The following PCDHGA11 variants were observed in gnomAD, a reference collection of about 807,000 sequenced individuals.
The protein encoded by PCDHGA11 is protocadherin gamma-A11.
A neutral mutation model predicts 60.4 loss-of-function variants in PCDHGA11; 39 were observed. The observed-to-expected ratio is 0.65, with a 90% CI of 0.50 to 0.84. The LOEUF is 0.84. Among genes scored for constraint, PCDHGA11 ranks in the 40% least tolerant of loss-of-function variants. The pLI is 0.00. For missense variants in PCDHGA11, 1,165 were observed against 1,197.7 expected, an observed-to-expected ratio of 0.97 and a Z score of 0.40; for synonymous variants, 533 against 510.3, an observed-to-expected ratio of 1.04 and a Z score of -0.60.
rs143737031 is a variant in PCDHGA11 at position 141,454,359 on chromosome 5, G to C, written c.2433+30699G>C. Among the ~76,000 whole-genome samples, 105 of 152,200 alleles carry C rather than the reference G, an allele frequency of 6.9e-4. No individual in the cohort carries two copies. In the East Asian group the frequency reaches 0.014, roughly 20 times the overall value. ...AATGTTGGAAGTTGATCCAAACTTA[G>C]AAAGGAGTATGGCAACTTGTCAAGA... On this transcript the variant is annotated intron_variant, in intron 1 of 3. Coordinates refer to ENST00000398587, the MANE Select transcript of PCDHGA11 (RefSeq NM_018914.3).
chr5:141,438,807 G>A (rs956766683), intron 1 of PCDHGA11, among the ~76,000 whole-genome samples: 13 of 149,270 alleles, frequency 8.7e-5, no homozygotes, highest in African/African-American at 1.7e-4. Context: ...GATTACAGGC[G>A]CCTGTCACCA....
intron 1 of PCDHGA11, among the ~76,000 whole-genome samples, chr5:141,488,261 G>T (rs993627373): frequency 6.6e-6 from 1 of 152,148 alleles, no homozygotes; most frequent in Non-Finnish European, 1.5e-5. Flanking sequence ...GGTTGGGGCG[G>T]GTTGGTCATC....
intron 1 of PCDHGA11, among the ~76,000 whole-genome samples, chr5:141,482,760 C>CAGCTGTG (rs1363796107): frequency 2.1e-5 from 3 of 141,084 alleles, no homozygotes; most frequent in African/African-American, 5.7e-5. Flanking sequence ...TATGGTATTT[C>CAGCTGTG]ATTATCACTG....
At chr5:141,484,707 G>C (rs1288663675) in intron 1 of PCDHGA11, among the ~76,000 whole-genome samples, 1 of 151,802 alleles carries the variant, frequency 6.6e-6, no homozygotes. Flanking sequence ...TGTTTTCCCC[G>C]CCGAAAAGGG....
chr5:141,442,596 T>C (rs2154559877), intron 1 of PCDHGA11: 1 of 152,310 alleles, frequency 6.6e-6, no homozygotes, highest in South Asian at 2.1e-4. Flanking sequence ...TTAAATATTT[T>C]CAGAGATCTC....
Position 141,423,234 on chromosome 5 carries a change from C to T in PCDHGA11, c.2007C>T (p.Ile669=). 6.2e-7 allele frequency: 1 copy of T among 1,613,918 alleles called. No individual in the cohort carries two copies. Among genetic ancestry groups the T allele is most frequent in the South Asian group, 1.1e-5 (1 of 91,076 alleles). Residue 669 remains isoleucine (I), a synonymous_variant, in exon 1 of 4, where the codon ATC becomes ATT. Transcript: ENST00000398587. ...VTLTVAVADS[I]PEVLADLGSL... Reference sequence around the variant, plus strand: ...TCACCGTGGCTGTGGCCGACAGCATCCCCGAAGTCCTGGCGGACCTCGGCA... The same window carrying T: ...TCACCGTGGCTGTGGCCGACAGCATTCCCGAAGTCCTGGCGGACCTCGGCA...
chr5:141,428,029 C>G, intron 1 of PCDHGA11: 2 of 1,607,160 alleles, frequency 1.2e-6, no homozygotes, highest in Non-Finnish European at 1.7e-6. Flanking sequence ...GCCGCAGAGT[C>G]CGGCTACCTG....
At chr5:141,461,190 T>C (rs2099010725) in intron 1 of PCDHGA11, among the ~76,000 whole-genome samples, 1 of 152,142 alleles carries the variant, frequency 6.6e-6, no homozygotes, top group Non-Finnish European at 1.5e-5. Context: ...TAGATCTGTT[T>C]TTTGCTCTTT....
intron 1 of PCDHGA11, chr5:141,433,086 C>A (rs747501244): frequency 1.9e-6 from 3 of 1,614,208 alleles, no homozygotes; most frequent in African/African-American, 2.7e-5. Context: ...CCCAACTATG[C>A]AGACATGCTC....
Position 141,421,185 on chromosome 5 carries a change from C to T in PCDHGA11, c.-43C>T. Reference sequence around the variant, plus strand: ...ATAGATACATAAGCCGATTCACAACCAACCAGCTCGAGAAACCGCGGAATA... The same window carrying T: ...ATAGATACATAAGCCGATTCACAACTAACCAGCTCGAGAAACCGCGGAATA... On this transcript the variant is annotated 5_prime_UTR_variant, in exon 1 of 4. Transcript: ENST00000398587. The T allele has an allele frequency of 6.8e-7, 1 of 1,463,494 alleles. No individual in the cohort carries two copies. The highest frequency in any genetic ancestry group is 9.1e-7 in the Non-Finnish European group (1 of 1,097,480). 90.7% of individuals were successfully genotyped at this position (1,463,494 alleles called of 1,614,324 possible).
chr5:141,494,740 T>C, intron 1 of PCDHGA11, 67 bp from the exon 2 acceptor site: 1 of 1,612,194 alleles, frequency 6.2e-7, no homozygotes, highest in Non-Finnish European at 8.5e-7. Context: ...GGCCCATCCC[T>C]AGGGGCTCGG....
At chr5:141,461,602 A>G (rs971808608) in intron 1 of PCDHGA11, among the ~76,000 whole-genome samples, 2 of 152,172 alleles carry the variant, frequency 1.3e-5, no homozygotes, top group African/African-American at 4.8e-5. Flanking sequence ...ATTATAATTT[A>G]GTTCAAAGTA....
In PCDHGA11 at chr5:141,490,378, G is replaced by A; in HGVS notation, c.2434-4429G>A. On this transcript the variant is annotated intron_variant, in intron 1 of 3. Transcript: ENST00000398587. The surrounding 1 kb of genome is among the most constrained non-coding windows in gnomAD (Gnocchi z 5.4). The stretch of plus-strand genomic sequence containing the variant: ...GTTTAATGTGCGAGACCGGGACTCA[G>A]GTAGAAATGGTGAAGTGAGCCTTGA... 1 of 1,614,214 alleles carries A rather than the reference G, an allele frequency of 6.2e-7. No homozygotes were observed. The highest frequency in any genetic ancestry group is 1.1e-5 in the South Asian group (1 of 91,086).
Position 141,489,352 on chromosome 5 carries a change from G to A in PCDHGA11, c.2434-5455G>A, listed in dbSNP as rs1336068787. 1.9e-6 allele frequency: 3 copies of A among 1,612,152 alleles called. No homozygotes were observed. In the Admixed American group the frequency reaches 5.0e-5, roughly 27 times the overall value. On this transcript the variant is annotated intron_variant, in intron 1 of 3. Transcript: ENST00000398587. The surrounding 1 kb of genome is among the most constrained non-coding windows in gnomAD (Gnocchi z 4.5). ...GCAGCTTCGTTACTCAGTGGTGGAG[G>A]AGTCTGAGCCGGGGACGCTGGTGGG...
rs142590218 is a variant in PCDHGA11, at chr5:141,489,982, C to T, written c.2434-4825C>T. On this transcript the variant is annotated intron_variant, in intron 1 of 3. Coordinates refer to ENST00000398587, the MANE Select transcript of PCDHGA11 (RefSeq NM_018914.3). This position sits in a 1 kb window ranked among gnomAD's most constrained non-coding sequence, Gnocchi z 4.5. ...TCCAACCTTCCAATCCTCAGTTCTA[C>T]GTGTGGGAATCCCAGAGAATGCACC... The T allele has an allele frequency of 2.9e-5, 47 of 1,614,010 alleles. No individual in the cohort carries two copies. The highest frequency in any genetic ancestry group is 3.7e-5 in the Non-Finnish European group (44 of 1,179,964).
At chr5:141,508,440 T>C (rs2099868879) in intron 3 of PCDHGA11, among the ~76,000 whole-genome samples, 1 of 152,186 alleles carries the variant, frequency 6.6e-6, no homozygotes, top group African/African-American at 2.4e-5. Context: ...CACAGTTCCT[T>C]AGTGGCAGAG....
rs2099699514 is a variant in PCDHGA11 at position 141,490,385 on chromosome 5, A to G, written c.2434-4422A>G. 1 of 1,614,190 alleles carries G rather than the reference A, an allele frequency of 6.2e-7. No individual in the cohort carries two copies. Among genetic ancestry groups the G allele is most frequent in the African/African-American group, 1.3e-5 (1 of 75,032 alleles). ...GTGCGAGACCGGGACTCAGGTAGAA[A>G]TGGTGAAGTGAGCCTTGATATCTCT... On this transcript the variant is annotated intron_variant, in intron 1 of 3. Coordinates refer to ENST00000398587, the MANE Select transcript of PCDHGA11 (RefSeq NM_018914.3). This position sits in a 1 kb window ranked among gnomAD's most constrained non-coding sequence, Gnocchi z 5.4.
intron 1 of PCDHGA11, among the ~76,000 whole-genome samples, chr5:141,481,728 C>T (rs529419213): frequency 2.1e-4 from 32 of 152,032 alleles, no homozygotes; most frequent in African/African-American, 7.2e-4. Flanking sequence ...CGGAGGCGGG[C>T]GGATCACGAG....
rs36031641 is a variant in PCDHGA11 at position 141,434,771 on chromosome 5, T to TA, written c.2433+11124dup. ...CCCCTGATTCCCCACTTCACACTTCTAAAAAAAAAAAAATTTTTTTTTCTG... is the reference window on the plus strand; with the variant it reads ...CCCCTGATTCCCCACTTCACACTTCTAAAAAAAAAAAAAATTTTTTTTTCTG... On this transcript the variant is annotated intron_variant, in intron 1 of 3. Coordinates refer to ENST00000398587, the MANE Select transcript of PCDHGA11 (RefSeq NM_018914.3). Among the ~76,000 whole-genome samples, 71 of 145,288 alleles carry TA rather than the reference T, an allele frequency of 4.9e-4. 1 individual carries two copies. The highest frequency in any genetic ancestry group is 3.6e-3 in the Middle Eastern group (1 of 278).
Sources: gnomAD v4.1 joint callset for allele counts (sites outside exome capture counted in the v4.1 genomes callset) on GRCh38, gnomAD v4.1.1 for gene constraint, Gnocchi (gnomAD v3.1) non-coding constraint, MANE v1.5 for transcripts, NCBI Gene and HGNC (gene_info 2026-07-23, HGNC 2026-07-21) for gene names.